The following STAU1 variants were observed in gnomAD, a reference collection of about 807,000 sequenced individuals.
STAU1 encodes double-stranded RNA-binding protein Staufen homolog 1.
STAU1 carries 13 observed loss-of-function variants against 62.9 expected under a neutral mutation model. That is an observed-to-expected ratio of 0.21 (90% CI 0.13 to 0.33). The LOEUF (loss-of-function observed/expected upper bound fraction) is 0.33, where lower values mean the gene tolerates loss of function less well. Among genes scored for constraint, STAU1 ranks in the 10% least tolerant of loss-of-function variants. STAU1 has a pLI of 1.00. For synonymous variants in STAU1, 269 were observed against 265.1 expected, an observed-to-expected ratio of 1.01 and a Z score of -0.14; for missense variants, 571 against 712.1, an observed-to-expected ratio of 0.80 and a Z score of 2.25.
Position 49,117,352 on chromosome 20 carries a change from T to A in STAU1, c.1510-104A>T. The A allele has an allele frequency of 7.0e-7, 1 of 1,438,822 alleles. No individual in the cohort carries two copies. The highest frequency in any genetic ancestry group is 9.5e-7 in the Non-Finnish European group (1 of 1,048,846). 89.1% of individuals were successfully genotyped at this position (1,438,822 alleles called of 1,614,324 possible). A position where few individuals can be genotyped will look rare whatever the true frequency, so the allele number is the denominator to read the frequency against. On this transcript the variant is annotated intron_variant, in intron 11 of 13. Transcript: ENST00000371856. This position sits in a 1 kb window ranked among gnomAD's most constrained non-coding sequence, Gnocchi z 4.6. Reference sequence around the variant, plus strand: ...ACAAGCAAGATCACCAGCTCTTTTTTCCAACTCAGCCCCACTGTGGCCATA... The same window carrying A: ...ACAAGCAAGATCACCAGCTCTTTTTACCAACTCAGCCCCACTGTGGCCATA...
At chr20:49,195,422 C>T in the STAU1 span, among the ~76,000 whole-genome samples, 1 of 150,824 alleles carries the variant, frequency 6.6e-6, no homozygotes, top group Non-Finnish European at 1.5e-5. Context: ...CCTGTAGTCC[C>T]AGCTACTCGG....
At chr20:49,175,970 A>T (rs1005044228) in intron 1 of STAU1, among the ~76,000 whole-genome samples, 1 of 149,566 alleles carries the variant, frequency 6.7e-6, no homozygotes, top group African/African-American at 2.5e-5. Context: ...AATTTTTTGT[A>T]TTTTTAGTAG....
At chr20:49,123,285 C>T in intron 7 of STAU1, 50 bp from the exon 8 acceptor site, 2 of 1,613,510 alleles carry the variant, frequency 1.2e-6, no homozygotes. Flanking sequence ...ACCGCATGAA[C>T]TTGGTCAACT....
At chr20:49,181,835 C>G (rs2093730123) in intron 1 of STAU1, among the ~76,000 whole-genome samples, 1 of 136,836 alleles carries the variant, frequency 7.3e-6, no homozygotes, top group South Asian at 2.5e-4. Flanking sequence ...CCTCAGCAAT[C>G]ATGTTCATTC....
the STAU1 span, among the ~76,000 whole-genome samples, chr20:49,195,560 AAGAT>A: frequency 4.7e-4 from 61 of 131,008 alleles, 2 homozygotes; most frequent in Admixed American, 6.0e-4. Flanking sequence ...AAAAAAAAAA[AAGAT>A]AGCAACAGAC....
chr20:49,142,582 G>T (rs62210402), intron 5 of STAU1, among the ~76,000 whole-genome samples: 2,732 of 152,154 alleles, frequency 0.018, 43 homozygotes, highest in South Asian at 0.024. Context: ...AGATTCTGGA[G>T]CCCGCTCCAG....
At chr20:49,161,647 A>T (rs1238520020) in intron 3 of STAU1, among the ~76,000 whole-genome samples, 1 of 152,194 alleles carries the variant, frequency 6.6e-6, no homozygotes. Context: ...CACAAGACAC[A>T]ACTGGGATTT....
intron 12 of STAU1, 64 bp from the exon 13 acceptor site, chr20:49,115,931 G>T: frequency 1.4e-6 from 2 of 1,421,708 alleles, no homozygotes; most frequent in South Asian, 1.2e-5. Context: ...ATAATACACT[G>T]GTCAGGCAGG....
rs533415498 is a variant in STAU1 at position 49,158,475 on chromosome 20, AT to A, written c.206-4405del. 2.0e-3 allele frequency: 2,594 copies of A among 1,304,634 alleles called. 5 individuals carry two copies. Among genetic ancestry groups the A allele is most frequent in the Non-Finnish European group, 2.2e-3 (2,170 of 989,026 alleles). The allele number at this position is 1,304,634 out of a possible 1,614,324, so 80.8% of individuals were successfully genotyped here. A position where few individuals can be genotyped will look rare whatever the true frequency, so the allele number is the denominator to read the frequency against. ...TTTTCTTGTAGGTCTTACTTTTAGG[AT>A]TCCCTCAGTGCACGGCTTCCACTAA... is the stretch of plus-strand genomic sequence containing the variant. On this transcript the variant is annotated intron_variant, in intron 3 of 13. Transcript: ENST00000371856.
At chr20:49,153,869 T>G in intron 4 of STAU1, 64 bp downstream of exon 4, 2 of 1,488,196 alleles carry the variant, frequency 1.3e-6, no homozygotes. Flanking sequence ...GGTACTGGTT[T>G]ATGTAAAAGA....
At chr20:49,132,900 G>T (rs1312035929) in intron 6 of STAU1, among the ~76,000 whole-genome samples, 5 of 152,156 alleles carry the variant, frequency 3.3e-5, no homozygotes, top group Admixed American at 3.3e-4. Context: ...AAATTATTCT[G>T]TTCATTTATT....
At chr20:49,166,369 CCTA>C (rs2093526525) in intron 2 of STAU1, 84 bp from the exon 3 acceptor site, 3 of 612,962 alleles carry the variant, frequency 4.9e-6, no homozygotes, top group Non-Finnish European at 8.5e-6. Context: ...AATGGTGTCA[CCTA>C]CTGACTTATG....
intron 8 of STAU1, among the ~76,000 whole-genome samples, chr20:49,122,386 G>A (rs563525471): frequency 1.3e-5 from 2 of 152,228 alleles, no homozygotes; most frequent in African/African-American, 4.8e-5. Flanking sequence ...AACCTTCAAG[G>A]AGATGTAATG....
At chr20:49,154,187 G>C (rs1165046224) in intron 3 of STAU1, 116 bp from the exon 4 acceptor site, 1 of 1,084,760 alleles carries the variant, frequency 9.2e-7, no homozygotes, top group Non-Finnish European at 1.3e-6. Flanking sequence ...TTACATAAAA[G>C]GACCTGGGTG....
chr20:49,219,268 G>C, the STAU1 span: 1 of 1,391,264 alleles, frequency 7.2e-7, no homozygotes. Flanking sequence ...GGCGTCACAC[G>C]AAACCAACCA....
chr20:49,154,605 C>T (rs892890115), intron 3 of STAU1, among the ~76,000 whole-genome samples: 2 of 152,220 alleles, frequency 1.3e-5, no homozygotes, highest in African/African-American at 4.8e-5. Context: ...GTGGCTCACG[C>T]CTGTAATCCC....
At chr20:49,122,548 C>A (rs1044123007) in intron 8 of STAU1, among the ~76,000 whole-genome samples, 22 of 152,186 alleles carry the variant, frequency 1.4e-4, no homozygotes, top group African/African-American at 5.1e-4. Flanking sequence ...ACAACTTAAT[C>A]TTTGATATGT....
chr20:49,115,835 C>A lies in STAU1; in HGVS notation c.1665G>T (p.Glu555Asp), dbSNP rs989898930. Reference sequence around the variant, plus strand: ...GCATCTCTGTACTTTGTTGGTCCAACTCAGACAGCAACTTTAAGATGTTCA... The same window carrying A: ...GCATCTCTGTACTTTGTTGGTCCAAATCAGACAGCAACTTTAAGATGTTCA... The part of the protein sequence containing the change: ...AALNILKLLS[E>D]LDQQSTEMPR... Residue 555 changes from glutamate to aspartate, a missense_variant, in exon 13 of 14, where the codon GAG becomes GAT. Physicochemically the swap from Glu to Asp is conservative, Grantham distance 45. Around this residue, in one of 3 missense-constraint regions of STAU1, gnomAD observed 156 missense variants for 194.7 expected, o/e 0.80. Coordinates refer to ENST00000371856, the MANE Select transcript of STAU1 (RefSeq NM_017453.4). 2 of 1,614,076 alleles carry A rather than the reference C, an allele frequency of 1.2e-6. No individual in the cohort carries two copies. The highest frequency in any genetic ancestry group is 1.7e-5 in the Admixed American group (1 of 60,008).
At chr20:49,188,694 C>T (rs1254136358), upstream of STAU1, among the ~76,000 whole-genome samples, 2 of 152,226 alleles carry the variant, frequency 1.3e-5, no homozygotes, top group African/African-American at 4.8e-5. Context: ...TCGCTTCTTC[C>T]TCTTGTCCTG....
Sources: gnomAD v4.1 joint callset for allele counts (sites outside exome capture counted in the v4.1 genomes callset) on GRCh38, gnomAD v4.1.1 for gene constraint, gnomAD v4.1.1 regional missense constraint, Gnocchi (gnomAD v3.1) non-coding constraint, MANE v1.5 for transcripts, NCBI Gene and HGNC (gene_info 2026-07-23, HGNC 2026-07-21) for gene names.